Variants in ENTREP2 observed in about 807,000 individuals in gnomAD.
The protein encoded by ENTREP2 is protein ENTREP2.
At chr15:29,555,938 G>A in the ENTREP2 span, among the ~76,000 whole-genome samples, 75 of 152,270 alleles carry the variant, frequency 4.9e-4, no homozygotes, top group African/African-American at 1.7e-3. Context: ...TCCCGCATGG[G>A]TAGGACAGCT....
the ENTREP2 span, among the ~76,000 whole-genome samples, chr15:29,498,401 G>A: frequency 8.5e-5 from 13 of 152,052 alleles, no homozygotes; most frequent in African/African-American, 3.1e-4. Flanking sequence ...TTGGTTGGGA[G>A]TATGTTGTTT....
the ENTREP2 span, among the ~76,000 whole-genome samples, chr15:29,338,939 C>T: frequency 2.0e-5 from 3 of 152,150 alleles, no homozygotes; most frequent in Non-Finnish European, 4.4e-5. Flanking sequence ...TGTAGCAGGG[C>T]CCGAGAGCCT....
the ENTREP2 span, among the ~76,000 whole-genome samples, chr15:29,580,723 T>C: frequency 2.8e-4 from 42 of 152,344 alleles, no homozygotes; most frequent in African/African-American, 1.0e-3. Context: ...ACCCATCTTC[T>C]AAGTCAGCAT....
chr15:29,202,462 C>T, the ENTREP2 span, among the ~76,000 whole-genome samples: 1 of 151,942 alleles, frequency 6.6e-6, no homozygotes, highest in Non-Finnish European at 1.5e-5. Flanking sequence ...AAATCACCTC[C>T]CATTTTAAAA....
the ENTREP2 span, among the ~76,000 whole-genome samples, chr15:29,239,650 C>T: frequency 6.6e-6 from 1 of 152,092 alleles, no homozygotes; most frequent in African/African-American, 2.4e-5. Context: ...TCATGTTGTC[C>T]CTGCAGTGTG....
chr15:29,128,848 T>A, the ENTREP2 span: 5 of 1,550,748 alleles, frequency 3.2e-6, no homozygotes, highest in South Asian at 6.0e-5. Context: ...GGCCACCTGC[T>A]GACCTATACT....
chr15:29,583,310 TA>T, the ENTREP2 span, among the ~76,000 whole-genome samples: 2 of 152,244 alleles, frequency 1.3e-5, no homozygotes, highest in East Asian at 3.9e-4. Context: ...TATGCAGCCA[TA>T]AAAAGGAACA....
chr15:29,661,028 C>T, the ENTREP2 span, among the ~76,000 whole-genome samples: 5 of 151,638 alleles, frequency 3.3e-5, no homozygotes, highest in Admixed American at 2.0e-4. Context: ...ATGATATTTA[C>T]ATGAATTAAG....
chr15:29,122,586 G>A, the ENTREP2 span: 2 of 152,258 alleles, frequency 1.3e-5, no homozygotes, highest in African/African-American at 4.8e-5. Flanking sequence ...GACAGGATGG[G>A]AGCCTGGAGA....
chr15:29,257,084 T>C, the ENTREP2 span, among the ~76,000 whole-genome samples: 58 of 134,410 alleles, frequency 4.3e-4, no homozygotes, highest in Non-Finnish European at 6.3e-4. Context: ...ATTTATTTAT[T>C]TATCTTGAGA....
At chr15:29,658,728 C>T in the ENTREP2 span, among the ~76,000 whole-genome samples, 1 of 152,344 alleles carries the variant, frequency 6.6e-6, no homozygotes, top group South Asian at 2.1e-4. Context: ...ATAATTCTCT[C>T]ATCCTTTCAG....
chr15:29,577,128 A>G, the ENTREP2 span, among the ~76,000 whole-genome samples: 1 of 151,972 alleles, frequency 6.6e-6, no homozygotes, highest in South Asian at 2.1e-4. Context: ...TTAAAAAAAA[A>G]AAGAAAGAAA....
the ENTREP2 span, among the ~76,000 whole-genome samples, chr15:29,349,407 C>A: frequency 2.0e-5 from 3 of 152,180 alleles, no homozygotes; most frequent in Admixed American, 2.0e-4. Flanking sequence ...TGGCATCAAT[C>A]ATGAATAAAT....
the ENTREP2 span, among the ~76,000 whole-genome samples, chr15:29,535,424 C>A: frequency 6.6e-6 from 1 of 151,836 alleles, no homozygotes; most frequent in Non-Finnish European, 1.5e-5. Context: ...TGGCTCATGC[C>A]TGTAATCCCA....
chr15:29,578,590 C>T, the ENTREP2 span, among the ~76,000 whole-genome samples: 1 of 152,190 alleles, frequency 6.6e-6, no homozygotes, highest in Non-Finnish European at 1.5e-5. Context: ...ATACTTATTA[C>T]TTCATAGGTT....
the ENTREP2 span, among the ~76,000 whole-genome samples, chr15:29,425,773 T>C: frequency 1.3e-5 from 2 of 152,120 alleles, no homozygotes; most frequent in South Asian, 2.1e-4. Flanking sequence ...TGAAATTATA[T>C]ATCTAATAAG....
chr15:29,230,818 G>C, the ENTREP2 span, among the ~76,000 whole-genome samples: 1 of 152,120 alleles, frequency 6.6e-6, no homozygotes, highest in African/African-American at 2.4e-5. Context: ...AGTCATGTAG[G>C]GTTTGTAAGC....
the ENTREP2 span, among the ~76,000 whole-genome samples, chr15:29,255,627 C>G: frequency 3.9e-5 from 6 of 152,114 alleles, no homozygotes; most frequent in African/African-American, 1.4e-4. Flanking sequence ...AGAACCAACC[C>G]AGGTGCCCAT....
At chr15:29,235,130 C>CATGTCACCCA in the ENTREP2 span, 3 of 978,950 alleles carry the variant, frequency 3.1e-6, no homozygotes, top group Non-Finnish European at 4.9e-6. Context: ...GGAGCCACCC[C>CATGTCACCCA]GAGACATGGC....
Sources: allele counts gnomAD v4.1 joint callset (sites outside exome capture counted in the v4.1 genomes callset), GRCh38; gene constraint gnomAD v4.1.1; transcripts MANE v1.5; gene names NCBI Gene and HGNC (gene_info 2026-07-23, HGNC 2026-07-21).